KIF3B: variants seen among roughly 807,000 people sequenced by gnomAD.
KIF3B encodes kinesin-like protein KIF3B.
A neutral mutation model predicts 74.3 loss-of-function variants in KIF3B; 38 were observed. That is an observed-to-expected ratio of 0.51 (90% CI 0.39 to 0.67). KIF3B has a LOEUF of 0.67. Ranked by LOEUF, KIF3B falls within the 30% of genes least tolerant of loss-of-function variation. The pLI is 0.00. For synonymous variants in KIF3B, 326 were observed against 342.5 expected (o/e 0.95, Z 0.53); for missense variants, 649 against 932.0 (o/e 0.70, Z 3.95).
chr20:32,297,160 A>G (rs2122670707), intron 1 of KIF3B, among the ~76,000 whole-genome samples: 1 of 152,078 alleles, frequency 6.6e-6, no homozygotes, highest in South Asian at 2.1e-4. Context: ...CTTGGGCTGC[A>G]TTTCAGATAC....
intron 1 of KIF3B, among the ~76,000 whole-genome samples, chr20:32,282,702 A>G (rs1159101779): frequency 6.6e-6 from 1 of 152,202 alleles, no homozygotes; most frequent in Non-Finnish European, 1.5e-5. Flanking sequence ...GAGCCTGGCC[A>G]GCTCTGGAAG....
chr20:32,278,776 A>G (rs1424888345), intron 1 of KIF3B, among the ~76,000 whole-genome samples: 3 of 152,198 alleles, frequency 2.0e-5, no homozygotes, highest in Non-Finnish European at 1.5e-5. Flanking sequence ...ATTTACAAGC[A>G]TATGATTAAG....
At chr20:32,297,108 C>G (rs570585300) in intron 1 of KIF3B, among the ~76,000 whole-genome samples, 1 of 151,334 alleles carries the variant, frequency 6.6e-6, no homozygotes, top group South Asian at 2.1e-4. Flanking sequence ...ACTTCTTGCT[C>G]GAGTGTTGCA....
rs2047719140 is a variant in KIF3B at position 32,296,741 on chromosome 20, A to T, written c.-65-12972A>T. On this transcript the variant is annotated intron_variant, in intron 1 of 8. Coordinates refer to ENST00000375712, the MANE Select transcript of KIF3B (RefSeq NM_004798.4). ...ATTCTTTCAGATATATTTTATGCAC[A>T]TATAAGCAAATGTAGAACCATTTTC... Among the ~76,000 whole-genome samples, 3 of 152,324 alleles carry T rather than the reference A, an allele frequency of 2.0e-5. No individual in the cohort carries two copies. The South Asian group carries it at 6.2e-4, about 32-fold the overall frequency.
At chr20:32,327,512 C>G in intron 6 of KIF3B, 44 bp from the exon 7 acceptor site, 1 of 1,543,158 alleles carries the variant, frequency 6.5e-7, no homozygotes, top group East Asian at 2.3e-5. Flanking sequence ...GTGCTGGTTC[C>G]ACAGGACTCC....
Position 32,277,753 on chromosome 20 carries a change from G to A in KIF3B, c.-78G>A. 7.8e-6 allele frequency: 2 copies of A among 255,812 alleles called. No homozygotes were observed. The highest frequency in any genetic ancestry group is 1.4e-5 in the Non-Finnish European group (2 of 140,254). The allele number at this position is 255,812 out of a possible 1,614,324, so 15.8% of individuals were successfully genotyped here. ...CCGCCGCCGCCGCCGCCCGCTTTCG[G>A]CTCGGGCCTCAGGTGAGTCGGAGGG... On this transcript the variant is annotated 5_prime_UTR_variant, in exon 1 of 9. Transcript: ENST00000375712.
chr20:32,330,161 A>G lies in KIF3B; in HGVS notation c.1989A>G (p.Leu663=), dbSNP rs1184985801. Residue 663 remains leucine, a synonymous_variant, in exon 8 of 9, where the codon TTA becomes TTG. Transcript: ENST00000375712. ...ARYRAENIVL[L]ELDMPSRTTR... ...TGCAGGCAGAAAACATTGTGCTGTTAGAGCTGGACATGCCCAGCCGGACCA... is the reference window on the plus strand; with the variant it reads ...TGCAGGCAGAAAACATTGTGCTGTTGGAGCTGGACATGCCCAGCCGGACCA... 1 of 1,613,652 alleles carries G rather than the reference A, an allele frequency of 6.2e-7. No individual in the cohort carries two copies. The highest frequency in any genetic ancestry group is 8.5e-7 in the Non-Finnish European group (1 of 1,179,874).
chr20:32,323,776 G>A (rs1008480441), intron 5 of KIF3B, among the ~76,000 whole-genome samples: 4 of 152,016 alleles, frequency 2.6e-5, no homozygotes, highest in African/African-American at 9.7e-5. Context: ...TACTCGGGAG[G>A]CTGAGGCAGG....
At chr20:32,309,099 C>T (rs1008998117) in intron 1 of KIF3B, among the ~76,000 whole-genome samples, 3 of 152,068 alleles carry the variant, frequency 2.0e-5, no homozygotes, top group African/African-American at 7.2e-5. Context: ...TTACTGTACC[C>T]TCAACCTCCT....
In KIF3B at chr20:32,291,938, A is replaced by C. The variant is rs749980835; in HGVS notation, c.-66+14173A>C. Among the ~76,000 whole-genome samples, 3 of 148,286 alleles carry C rather than the reference A, an allele frequency of 2.0e-5. No homozygotes were observed. The South Asian group carries it at 6.4e-4, about 31-fold the overall frequency. On this transcript the variant is annotated intron_variant, in intron 1 of 8. Transcript: ENST00000375712. ...CGCCTCATTTTTTTTTTCTTGAGAC[A>C]GGGTCTCACTGTATCACCCAGGCTT...
intron 8 of KIF3B, among the ~76,000 whole-genome samples, chr20:32,331,017 C>T (rs542338757): frequency 3.3e-5 from 5 of 152,200 alleles, no homozygotes; most frequent in Admixed American, 6.5e-5. Context: ...GCATCAGAGT[C>T]TCCTTCTCTC....
chr20:32,283,279 G>A (rs2047652359), intron 1 of KIF3B, among the ~76,000 whole-genome samples: 1 of 152,130 alleles, frequency 6.6e-6, no homozygotes, highest in South Asian at 2.1e-4. Context: ...GCTGAGGTGT[G>A]CAGATCACGA....
chr20:32,305,566 C>T (rs2047765856), intron 1 of KIF3B, among the ~76,000 whole-genome samples: 1 of 148,850 alleles, frequency 6.7e-6, no homozygotes, highest in Non-Finnish European at 1.5e-5. Context: ...TAACACTCCC[C>T]CACCTTTTTT....
At chr20:32,303,931 C>T (rs1411038774) in intron 1 of KIF3B, among the ~76,000 whole-genome samples, 1 of 151,750 alleles carries the variant, frequency 6.6e-6, no homozygotes, top group Non-Finnish European at 1.5e-5. Context: ...AGGCCTCATC[C>T]TTAATCTCTG....
intron 2 of KIF3B, among the ~76,000 whole-genome samples, chr20:32,313,165 T>A (rs1261069649): frequency 6.6e-6 from 1 of 152,202 alleles, no homozygotes; most frequent in African/African-American, 2.4e-5. Context: ...CCCATTGTTT[T>A]GAGCCTTCTT....
chr20:32,278,061 G>C (rs1301773453), intron 1 of KIF3B, among the ~76,000 whole-genome samples: 2 of 152,214 alleles, frequency 1.3e-5, no homozygotes, highest in Non-Finnish European at 2.9e-5. Context: ...CGAGAGCCTG[G>C]GGTCCGAACC....
intron 5 of KIF3B, 38 bp downstream of exon 5, chr20:32,316,912 T>G: frequency 7.2e-7 from 1 of 1,392,834 alleles, no homozygotes; most frequent in Non-Finnish European, 1.0e-6. Context: ...CCAAGCCACT[T>G]GCTGAGTCAT....
At chr20:32,309,551 C>G (rs1444444023) in intron 1 of KIF3B, among the ~76,000 whole-genome samples, 162 bp from the exon 2 acceptor site, 1 of 152,104 alleles carries the variant, frequency 6.6e-6, no homozygotes, top group Non-Finnish European at 1.5e-5. Context: ...ATTTTTACCA[C>G]TGAAGCTGGT....
chr20:32,321,750 A>G lies in KIF3B; in HGVS notation c.1748+4876A>G, dbSNP rs62208772. 7.1e-3 allele frequency among the ~76,000 whole-genome samples: 1,081 copies of G among 152,266 alleles called. 4 individuals carry two copies. Among genetic ancestry groups the G allele is most frequent in the Middle Eastern group, 0.021 (6 of 292 alleles). Reference sequence around the variant, plus strand: ...GTTTGTGGAAACCCTGCATAAAGCAAGTCTGTTGGCACCATTTTTTCAACA... The same window carrying G: ...GTTTGTGGAAACCCTGCATAAAGCAGGTCTGTTGGCACCATTTTTTCAACA... On this transcript the variant is annotated intron_variant, in intron 5 of 8. Coordinates refer to ENST00000375712, the MANE Select transcript of KIF3B (RefSeq NM_004798.4).
Sources: gnomAD v4.1 joint callset for allele counts (sites outside exome capture counted in the v4.1 genomes callset) on GRCh38, gnomAD v4.1.1 for gene constraint, MANE v1.5 for transcripts, NCBI Gene and HGNC (gene_info 2026-07-23, HGNC 2026-07-21) for gene names.